Variants in NDUFS1 observed in about 807,000 individuals in gnomAD.
NDUFS1 encodes the protein NADH:ubiquinone oxidoreductase core subunit S1, also known as NADH-ubiquinone oxidoreductase 75 kDa subunit, mitochondrial.
In NDUFS1, 61 loss-of-function variants were observed where a neutral mutation model predicts 84.4. That is an observed-to-expected ratio of 0.72 (90% CI 0.59 to 0.89). NDUFS1 has a LOEUF of 0.89. Among genes scored for constraint, NDUFS1 ranks in the 40% least tolerant of loss-of-function variants. NDUFS1 has a pLI of 0.00. For synonymous variants in NDUFS1, 275 were observed against 290.0 expected (o/e 0.95, Z 0.53); for missense variants, 891 against 890.0 (o/e 1.00, Z -0.01).
intron 18 of NDUFS1, 107 bp downstream of exon 18, chr2:206,126,432 G>A (rs998495703): frequency 8.9e-6 from 9 of 1,013,306 alleles, no homozygotes; most frequent in Non-Finnish European, 1.4e-5. Flanking sequence ...CAAAGATTAA[G>A]AATTGCAAAC....
rs757211486 is a variant in NDUFS1, at chr2:206,130,214, G to C, written c.1582C>G (p.Leu528Val). The change falls in exon 15 of 19, where the codon CTT becomes GTT. Residue 528 changes from leucine to valine, a missense_variant. Coordinates refer to ENST00000233190, the MANE Select transcript of NDUFS1 (RefSeq NM_005006.7). ...RIASQVAALD[L>V]GYKPGVEAIR... is the part of the protein sequence containing the mutation. Reference sequence around the variant, plus strand: ...GCTTCCACCCCAGGCTTATAGCCAAGGTCCAAAGCAGCTACTTGACTTGCA... The same window carrying C: ...GCTTCCACCCCAGGCTTATAGCCAACGTCCAAAGCAGCTACTTGACTTGCA... The C allele has an allele frequency of 2.5e-6, 4 of 1,613,982 alleles. No individual in the cohort carries two copies. In the African/African-American group the frequency reaches 4.0e-5, roughly 16 times the overall value.
chr2:206,138,704 T>C, intron 12 of NDUFS1, 90 bp from the exon 13 acceptor site: 2 of 1,323,054 alleles, frequency 1.5e-6, no homozygotes, highest in Non-Finnish European at 1.1e-6. Context: ...TATTTACTAT[T>C]ACAAAATGTT....
Position 206,129,881 on chromosome 2 carries a change from C to T in NDUFS1, c.1708+207G>A, listed in dbSNP as rs1009209814. Among the ~76,000 whole-genome samples the T allele has an allele frequency of 5.3e-5, 8 of 151,976 alleles. 1 individual carries two copies. Among genetic ancestry groups the T allele is most frequent in the South Asian group, 2.1e-4 (1 of 4,816 alleles). Reference sequence around the variant, plus strand: ...TGCTGGGATTACAGGTGTGAGCCACCGCACCCGGCAGGTAATAATTCTTAA... The same window carrying T: ...TGCTGGGATTACAGGTGTGAGCCACTGCACCCGGCAGGTAATAATTCTTAA... On this transcript the variant is annotated intron_variant, in intron 15 of 18. Coordinates refer to ENST00000233190, the MANE Select transcript of NDUFS1 (RefSeq NM_005006.7).
At chr2:206,150,312 C>T (rs1198556327) in intron 3 of NDUFS1, among the ~76,000 whole-genome samples, 1 of 152,188 alleles carries the variant, frequency 6.6e-6, no homozygotes, top group African/African-American at 2.4e-5. Flanking sequence ...TTTCACTACA[C>T]ATTATCTAGC....
chr2:206,143,402 G>T (rs188279785), intron 10 of NDUFS1, among the ~76,000 whole-genome samples: 280 of 152,252 alleles, frequency 1.8e-3, no homozygotes, highest in African/African-American at 6.6e-3. Context: ...TCAAAATGAG[G>T]TCTGGAGAAT....
chr2:206,146,967 T>C lies in NDUFS1; in HGVS notation c.673A>G (p.Ile225Val). 6.2e-7 allele frequency: 1 copy of C among 1,614,166 alleles called. No individual in the cohort carries two copies. Among genetic ancestry groups the C allele is most frequent in the South Asian group, 1.1e-5 (1 of 91,086 alleles). ...MSELSGNIID[I>V]CPVGALTSKP... is the part of the protein sequence containing the mutation. ...GAGGTTAGGGCACCTACAGGGCAGA[T>C]ATCAATGATATTCCCAGACAGTTCA... The change falls in exon 8 of 19, where the codon ATC (isoleucine) becomes GTC (valine). Residue 225 changes from isoleucine to valine, a missense_variant. Coordinates refer to ENST00000233190, the MANE Select transcript of NDUFS1 (RefSeq NM_005006.7).
chr2:206,125,439 G>A (rs545488112), intron 18 of NDUFS1, among the ~76,000 whole-genome samples: 47 of 151,984 alleles, frequency 3.1e-4, no homozygotes, highest in Admixed American at 1.5e-3. Flanking sequence ...TTCAGCCTGG[G>A]TGACAGAGTA....
chr2:206,157,189 G>T (rs1415158904), intron 1 of NDUFS1, among the ~76,000 whole-genome samples: 1 of 152,162 alleles, frequency 6.6e-6, no homozygotes, highest in African/African-American at 2.4e-5. Flanking sequence ...TGACCTCAGT[G>T]ATCCACCCGC....
chr2:206,143,684 T>C (rs148015146), intron 10 of NDUFS1, among the ~76,000 whole-genome samples: 7 of 152,170 alleles, frequency 4.6e-5, no homozygotes, highest in African/African-American at 1.7e-4. Context: ...GGCATCTTGA[T>C]ATGCCTGTCC....
At chr2:206,146,854 A>T in intron 8 of NDUFS1, 49 bp downstream of exon 8, 1 of 1,520,024 alleles carries the variant, frequency 6.6e-7, no homozygotes, top group Admixed American at 1.7e-5. Flanking sequence ...TTTTTTGAAT[A>T]GTAATGAATT....
intron 11 of NDUFS1, among the ~76,000 whole-genome samples, chr2:206,142,334 TCCC>T (rs1691994083): frequency 6.6e-6 from 1 of 152,174 alleles, no homozygotes; most frequent in Non-Finnish European, 1.5e-5. Flanking sequence ...TGCCTCAGCC[TCCC>T]AAGTAGCTGG....
chr2:206,153,422 C>T (rs1692450203), intron 2 of NDUFS1, among the ~76,000 whole-genome samples, 196 bp downstream of exon 2: 1 of 152,000 alleles, frequency 6.6e-6, no homozygotes, highest in African/African-American at 2.4e-5. Context: ...TTTTGAATTC[C>T]TGGCTTCAAG....
rs1029541539 is a variant in NDUFS1, at chr2:206,119,839, G to A, written c.*4346C>T. ...TTCAACTTTTTTTTTTAAGAGTTGG[G>A]GGTCTTGTTATGTTGCTGATATGGT... On this transcript the variant is annotated 3_prime_UTR_variant, in exon 19 of 19. Coordinates refer to ENST00000233190, the MANE Select transcript of NDUFS1 (RefSeq NM_005006.7). The A allele has an allele frequency of 6.6e-6, 1 of 151,994 alleles. No individual in the cohort carries two copies. The highest frequency in any genetic ancestry group is 1.5e-5 in the Non-Finnish European group (1 of 68,028). 9.4% of individuals were successfully genotyped at this position (151,994 alleles called of 1,614,324 possible). A position where few individuals can be genotyped will look rare whatever the true frequency, so the allele number is the denominator to read the frequency against.
In NDUFS1 at chr2:206,128,791, A is replaced by AT. The variant is rs528046234; in HGVS notation, c.1709-820dup. ...GTGAGACTCTATCTCAAAAAAAAAA[A>AT]TTTTTTTTTTAAAGAAAAAAAAGTA... On this transcript the variant is annotated intron_variant, in intron 15 of 18. Transcript: ENST00000233190. Among the ~76,000 whole-genome samples, 23 of 150,488 alleles carry AT rather than the reference A, an allele frequency of 1.5e-4. No individual in the cohort carries two copies. The East Asian group carries it at 2.8e-3, about 18-fold the overall frequency.
intron 12 of NDUFS1, 71 bp from the exon 13 acceptor site, chr2:206,138,685 T>G (rs901536394): frequency 3.4e-6 from 5 of 1,451,056 alleles, no homozygotes; most frequent in Admixed American, 1.7e-5. Flanking sequence ...CAATCCTAAG[T>G]GATACATCTA....
rs1691685408 is a variant in NDUFS1, at chr2:206,135,757, AGAG to A, written c.1393-2655_1393-2653del. 7.2e-5 allele frequency among the ~76,000 whole-genome samples: 11 copies of A among 152,266 alleles called. No homozygotes were observed. In the South Asian group the frequency reaches 2.3e-3, roughly 32 times the overall value. ...CCTATCACATGGGGATGGGAATTAG[AGAG>A]GAGAAAGGAAGACTTTTCACGGAAT... On this transcript the variant is annotated intron_variant, in intron 13 of 18. Coordinates refer to ENST00000233190, the MANE Select transcript of NDUFS1 (RefSeq NM_005006.7).
intron 1 of NDUFS1, among the ~76,000 whole-genome samples, chr2:206,158,366 TC>T (rs764696372): frequency 2.4e-4 from 36 of 152,310 alleles, no homozygotes; most frequent in East Asian, 1.3e-3. Context: ...CCCTGGCCCC[TC>T]CTTATCCTTC....
intron 14 of NDUFS1, among the ~76,000 whole-genome samples, chr2:206,131,568 G>A (rs1003975172): frequency 4.6e-5 from 7 of 152,214 alleles, no homozygotes; most frequent in African/African-American, 9.6e-5. Context: ...TTGGGAGGCC[G>A]AGGGTGGCAG....
At chr2:206,140,422 T>C (rs1691891954) in intron 12 of NDUFS1, among the ~76,000 whole-genome samples, 1 of 152,130 alleles carries the variant, frequency 6.6e-6, no homozygotes. Flanking sequence ...GAGAATTGCT[T>C]GAACCCAGGA....
Sources: gnomAD v4.1 joint callset for allele counts (sites outside exome capture counted in the v4.1 genomes callset) on GRCh38, gnomAD v4.1.1 for gene constraint, MANE v1.5 for transcripts, NCBI Gene and HGNC (gene_info 2026-07-23, HGNC 2026-07-21) for gene names.